Variants in ASTN2 observed in about 807,000 individuals in gnomAD.
ASTN2 encodes astrotactin-2.
ASTN2 carries 54 observed loss-of-function variants against 139.8 expected under a neutral mutation model. The ratio of observed to expected loss-of-function variants is 0.39; its 90% CI spans 0.31 to 0.48. ASTN2 has a LOEUF of 0.48. Among genes scored for constraint, ASTN2 ranks in the 20% least tolerant of loss-of-function variants. The pLI, the probability that ASTN2 is intolerant of heterozygous loss-of-function variation, is 0.95. For synonymous variants in ASTN2, 756 were observed against 719.5 expected (o/e 1.05, Z -0.81); for missense variants, 1,565 against 1,725.1 (o/e 0.91, Z 1.64).
intron 19 of ASTN2, among the ~76,000 whole-genome samples, chr9:116,520,708 ACT>A (rs1215448184): frequency 6.6e-6 from 1 of 152,110 alleles, no homozygotes; most frequent in Non-Finnish European, 1.5e-5. Context: ...TGGAAGCCAA[ACT>A]CTCTCTGTTT....
At chr9:116,991,705 G>T (rs1836861632) in intron 7 of ASTN2, among the ~76,000 whole-genome samples, 1 of 152,084 alleles carries the variant, frequency 6.6e-6, no homozygotes, top group South Asian at 2.1e-4. Flanking sequence ...TCCACCAGTG[G>T]TTCCCCCTTG....
At chr9:117,222,900 A>G (rs1193720080) in intron 2 of ASTN2, among the ~76,000 whole-genome samples, 1 of 152,152 alleles carries the variant, frequency 6.6e-6, no homozygotes, top group Admixed American at 6.5e-5. Context: ...AAGGAGACTC[A>G]GAAGAGAAAC....
chr9:117,055,702 C>T (rs989903519), intron 5 of ASTN2, among the ~76,000 whole-genome samples: 3 of 152,034 alleles, frequency 2.0e-5, no homozygotes, highest in South Asian at 2.1e-4. Context: ...TGGACGTGAA[C>T]GAGCACATGT....
chr9:117,282,290 A>C (rs961423004), intron 2 of ASTN2, among the ~76,000 whole-genome samples: 1 of 152,138 alleles, frequency 6.6e-6, no homozygotes, highest in African/African-American at 2.4e-5. Context: ...CCCTCTGTCC[A>C]TATTATATAT....
chr9:116,753,102 GC>G (rs1829441424), intron 13 of ASTN2, among the ~76,000 whole-genome samples: 1 of 152,172 alleles, frequency 6.6e-6, no homozygotes. Context: ...AAACTTGGAA[GC>G]AACCTAGATG....
chr9:116,792,787 A>G (rs112215601), intron 13 of ASTN2, among the ~76,000 whole-genome samples: 5,587 of 152,230 alleles, frequency 0.037, 214 homozygotes, highest in African/African-American at 0.098. Flanking sequence ...CCTGCTTTCA[A>G]ACTGGCAAAT....
rs554753066 is a variant in ASTN2, at chr9:117,235,473, T to C, written c.631-20731A>G. ...CAGCCCTATTATTAGAACCCAGACC[T>C]CTAAGACTCAGAAAATCATCCTGCT... On this transcript the variant is annotated intron_variant, in intron 2 of 22. Coordinates refer to ENST00000313400, the MANE Select transcript of ASTN2 (RefSeq NM_001365068.1). Among the ~76,000 whole-genome samples the C allele has an allele frequency of 7.2e-5, 11 of 152,294 alleles. No individual in the cohort carries two copies. In the East Asian group the frequency reaches 2.1e-3, roughly 29 times the overall value.
intron 1 of ASTN2, among the ~76,000 whole-genome samples, chr9:117,396,716 C>A (rs1424749212): frequency 6.6e-6 from 1 of 152,004 alleles, no homozygotes; most frequent in Non-Finnish European, 1.5e-5. Flanking sequence ...CAGGTATGCA[C>A]CACCATGCCC....
intron 20 of ASTN2, among the ~76,000 whole-genome samples, chr9:116,471,577 A>T (rs1316723808): frequency 6.6e-6 from 1 of 151,958 alleles, no homozygotes; most frequent in Non-Finnish European, 1.5e-5. Flanking sequence ...GGAAAGAGGG[A>T]CAGAGAAGGA....
chr9:117,253,306 C>T (rs1833589007), intron 2 of ASTN2, among the ~76,000 whole-genome samples: 1 of 152,156 alleles, frequency 6.6e-6, no homozygotes, highest in South Asian at 2.1e-4. Flanking sequence ...GGGAGTAAAG[C>T]AGAGGAGCAA....
At chr9:116,874,129 TTC>T (rs1376193006) in intron 10 of ASTN2, among the ~76,000 whole-genome samples, 2 of 152,178 alleles carry the variant, frequency 1.3e-5, no homozygotes, top group East Asian at 3.9e-4. Flanking sequence ...CAGAGCTGGG[TTC>T]CACCCTGGGT....
intron 3 of ASTN2, among the ~76,000 whole-genome samples, chr9:117,164,631 A>C (rs1292159727): frequency 6.6e-6 from 1 of 152,096 alleles, no homozygotes; most frequent in Non-Finnish European, 1.5e-5. Flanking sequence ...TGAATGAAGC[A>C]TCCTTATGAA....
chr9:117,098,790 A>AG (rs1471664622), intron 4 of ASTN2, among the ~76,000 whole-genome samples: 2 of 151,636 alleles, frequency 1.3e-5, no homozygotes, highest in East Asian at 1.9e-4. Context: ...AAAAAAAAAA[A>AG]AAGAAGAAGA....
intron 17 of ASTN2, among the ~76,000 whole-genome samples, chr9:116,641,575 G>A (rs1857331005): frequency 6.6e-6 from 1 of 152,130 alleles, no homozygotes; most frequent in Admixed American, 6.6e-5. Context: ...ATTATTAAAA[G>A]GACAAGGGAA....
chr9:116,618,846 C>T (rs148751700), intron 18 of ASTN2, among the ~76,000 whole-genome samples: 341 of 152,194 alleles, frequency 2.2e-3, no homozygotes, highest in African/African-American at 7.9e-3. Context: ...CATTTTTCTG[C>T]CATTTTCTTT....
At chr9:117,008,339 T>C in intron 6 of ASTN2, 80 bp from the exon 7 acceptor site, 1 of 1,324,794 alleles carries the variant, frequency 7.5e-7, no homozygotes. Flanking sequence ...GAAAGGTGTG[T>C]ACAAGCCACG....
At chr9:116,796,919 C>G (rs905026249) in intron 13 of ASTN2, among the ~76,000 whole-genome samples, 1 of 152,106 alleles carries the variant, frequency 6.6e-6, no homozygotes, top group African/African-American at 2.4e-5. Flanking sequence ...TCTAGTGATC[C>G]TCCCACCTCA....
In ASTN2 at chr9:116,953,444, C is replaced by A. The variant is rs150516453; in HGVS notation, c.1889+21764G>T. 1.9e-3 allele frequency among the ~76,000 whole-genome samples: 293 copies of A among 152,278 alleles called. 1 individual carries two copies. The highest frequency in any genetic ancestry group is 6.8e-3 in the African/African-American group (282 of 41,562). Reference sequence around the variant, plus strand: ...GGTACCAGGTGTTGCTGGAGCCCAGCATCTGCTCAGAGGAAGGCAGAGAGA... The same window carrying A: ...GGTACCAGGTGTTGCTGGAGCCCAGAATCTGCTCAGAGGAAGGCAGAGAGA... On this transcript the variant is annotated intron_variant, in intron 10 of 22. Transcript: ENST00000313400.
intron 3 of ASTN2, among the ~76,000 whole-genome samples, chr9:117,202,973 A>G (rs1227320800): frequency 3.3e-5 from 5 of 151,904 alleles, no homozygotes; most frequent in African/African-American, 7.3e-5. Flanking sequence ...TGGTACTCCA[A>G]TCAATTGTAG....
Sources: gnomAD v4.1 joint callset for allele counts (sites outside exome capture counted in the v4.1 genomes callset) on GRCh38, gnomAD v4.1.1 for gene constraint, MANE v1.5 for transcripts, NCBI Gene and HGNC (gene_info 2026-07-23, HGNC 2026-07-21) for gene names.